Variants in CELF5 observed in about 807,000 individuals in gnomAD.
CELF5 encodes CUGBP Elav-like family member 5.
A neutral mutation model predicts 54.9 loss-of-function variants in CELF5; 6 were observed. The ratio of observed to expected loss-of-function variants is 0.11; its 90% confidence interval spans 0.06 to 0.22. The LOEUF (loss-of-function observed/expected upper bound fraction) is 0.22, where lower values mean the gene tolerates loss of function less well. CELF5 is among the 10% of genes least tolerant of loss of function. The pLI is 1.00. For synonymous variants in CELF5, 271 were observed against 290.9 expected (o/e 0.93, Z 0.70); for missense variants, 401 against 678.6 (o/e 0.59, Z 4.54).
intron 1 of CELF5, among the ~76,000 whole-genome samples, chr19:3,240,260 G>T (rs1002581532): frequency 6.6e-6 from 1 of 151,208 alleles, no homozygotes; most frequent in Non-Finnish European, 1.5e-5. Flanking sequence ...CAAATGATCC[G>T]CCTGCCTCTG....
intron 2 of CELF5, among the ~76,000 whole-genome samples, chr19:3,262,096 G>A (rs148280087): frequency 5.8e-4 from 89 of 152,204 alleles, no homozygotes; most frequent in African/African-American, 2.0e-3. Flanking sequence ...GTGCAGTGGC[G>A]TGATCTCGGC....
chr19:3,254,382 C>G (rs1229677483), intron 2 of CELF5, among the ~76,000 whole-genome samples: 1 of 152,036 alleles, frequency 6.6e-6, no homozygotes, highest in East Asian at 1.9e-4. Flanking sequence ...ACTCATCCAC[C>G]TACCCACCCA....
intron 12 of CELF5, chr19:3,296,128 A>C (rs2080439272): frequency 6.6e-6 from 1 of 151,582 alleles, no homozygotes; most frequent in African/African-American, 2.4e-5. Context: ...GGGGGGAAAA[A>C]ATCAAACCAC....
At chr19:3,254,942 A>T (rs1347134921) in intron 2 of CELF5, among the ~76,000 whole-genome samples, 1 of 150,632 alleles carries the variant, frequency 6.6e-6, no homozygotes, top group Non-Finnish European at 1.5e-5. Flanking sequence ...CCACCCATCC[A>T]TCTATTAATT....
intron 1 of CELF5, among the ~76,000 whole-genome samples, chr19:3,240,205 C>T (rs1044171506): frequency 5.9e-5 from 9 of 151,910 alleles, no homozygotes; most frequent in African/African-American, 9.7e-5. Context: ...TTAGTAGAGA[C>T]GGGGTTTCAT....
intron 1 of CELF5, among the ~76,000 whole-genome samples, chr19:3,249,028 G>A (rs1342454519): frequency 6.6e-6 from 1 of 151,636 alleles, no homozygotes; most frequent in Non-Finnish European, 1.5e-5. Context: ...ACCTGGGGTG[G>A]GTTCCCTCGG....
chr19:3,257,629 C>T (rs1057368153), intron 2 of CELF5, among the ~76,000 whole-genome samples: 1 of 151,184 alleles, frequency 6.6e-6, no homozygotes, highest in Admixed American at 6.6e-5. Flanking sequence ...GCATGCACCA[C>T]CATGCCCGGC....
At chr19:3,236,619 C>T (rs1917611436) in intron 1 of CELF5, among the ~76,000 whole-genome samples, 2 of 152,108 alleles carry the variant, frequency 1.3e-5, no homozygotes. Context: ...TTCCCCACCA[C>T]CATCGGTGCA....
At position 3,224,739 on chromosome 19, in the gene CELF5, C is replaced by G; in HGVS notation, c.-1C>G. 7.6e-7 allele frequency: 1 copy of G among 1,315,086 alleles called. No homozygotes were observed. The highest frequency in any genetic ancestry group is 9.7e-7 in the Non-Finnish European group (1 of 1,026,908). 81.5% of individuals were successfully genotyped at this position (1,315,086 alleles called of 1,614,324 possible). A position where few individuals can be genotyped will look rare whatever the true frequency, so the allele number is the denominator to read the frequency against. On this transcript the variant is annotated 5_prime_UTR_variant, in exon 1 of 13. Coordinates refer to ENST00000292672, the MANE Select transcript of CELF5 (RefSeq NM_021938.4). ...GCCGCCGGCTCGGTCCCGCGCCCGC[C>G]ATGGCCCGCCTGACGGAGAGCGAGG...
chr19:3,228,687 T>G lies in CELF5; in HGVS notation c.259+3689T>G, dbSNP rs1212000680. On this transcript the variant is annotated intron_variant, in intron 1 of 12. Coordinates refer to ENST00000292672, the MANE Select transcript of CELF5 (RefSeq NM_021938.4). The surrounding 1 kb of genome is among the most constrained non-coding windows in gnomAD (Gnocchi z 6.0). ...TGGGAGCACCAGCTGCCGGCTCGAC[T>G]CGGGAGGGGGGGAGGAGGAGGCTGT... is the stretch of plus-strand genomic sequence containing the variant. Among the ~76,000 whole-genome samples, 2 of 128,282 alleles carry G rather than the reference T, an allele frequency of 1.6e-5. No homozygotes were observed. Among genetic ancestry groups the G allele is most frequent in the East Asian group, 2.3e-4 (1 of 4,288 alleles). The allele number at this position is 128,282 out of a possible 152,430, so 84.2% of individuals were successfully genotyped here.
chr19:3,259,552 G>C (rs1378338112), intron 2 of CELF5, among the ~76,000 whole-genome samples: 1 of 152,100 alleles, frequency 6.6e-6, no homozygotes, highest in Admixed American at 6.6e-5. Flanking sequence ...TAGAAACCAG[G>C]AGGACCCCAG....
In CELF5 at chr19:3,256,064, C is replaced by CAGAAAAA. The variant is rs372488135; in HGVS notation, c.342+4998_342+4999insGAAAAAA. Among the ~76,000 whole-genome samples the CAGAAAAA allele has an allele frequency of 1.0e-4, 14 of 139,598 alleles. 1 individual carries two copies. Among genetic ancestry groups the CAGAAAAA allele is most frequent in the Admixed American group, 2.2e-4 (3 of 13,720 alleles). 91.6% of individuals were successfully genotyped at this position (139,598 alleles called of 152,430 possible). ...TGGGTGACAGAACAAGACCCTGTCT[C>CAGAAAAA]AAAAAAAAAGGAAAGGTGCGAAGTG... On this transcript the variant is annotated intron_variant, in intron 2 of 12. Transcript: ENST00000292672.
chr19:3,266,488 G>A (rs1300767257), intron 2 of CELF5, among the ~76,000 whole-genome samples: 1 of 152,092 alleles, frequency 6.6e-6, no homozygotes, highest in African/African-American at 2.4e-5. Flanking sequence ...GTGTATCAGC[G>A]TCTTGGGCGT....
rs1379741776 is a variant in CELF5, at chr19:3,282,150, C to T, written c.775C>T (p.Leu259=). 2 of 1,614,144 alleles carry T rather than the reference C, an allele frequency of 1.2e-6. No homozygotes were observed. The highest frequency in any genetic ancestry group is 4.5e-5 in the East Asian group (2 of 44,908). ...QALMQQQTTV[L]STSGSYLSPG... ...GCTCATGCAACAGCAGACAACAGTC[C>T]TGTCCACCTCGGGCAGCTACCTGAG... Residue 259 remains leucine (L), a synonymous_variant, in exon 7 of 13, where the codon CTG becomes TTG. Coordinates refer to ENST00000292672, the MANE Select transcript of CELF5 (RefSeq NM_021938.4). This position sits in a 1 kb window ranked among gnomAD's most constrained non-coding sequence, Gnocchi z 5.2.
intron 5 of CELF5, among the ~76,000 whole-genome samples, chr19:3,279,704 C>A (rs2145255142): frequency 6.6e-6 from 1 of 151,668 alleles, no homozygotes; most frequent in South Asian, 2.1e-4. Flanking sequence ...TGCCTCAGGC[C>A]TCTCTTTTAT....
chr19:3,267,648 G>C lies in CELF5; in HGVS notation c.343-6224G>C, dbSNP rs145573525. 3.5e-3 allele frequency among the ~76,000 whole-genome samples: 533 copies of C among 152,334 alleles called. 5 individuals carry two copies. The highest frequency in any genetic ancestry group is 0.012 in the African/African-American group (516 of 41,586). ...CTTTGCTGTCTCTTTCTTTACAAGAGTCTTGGGGGCTGAGGTACATCCCAG... is the reference window on the plus strand; with the variant it reads ...CTTTGCTGTCTCTTTCTTTACAAGACTCTTGGGGGCTGAGGTACATCCCAG... On this transcript the variant is annotated intron_variant, in intron 2 of 12. Coordinates refer to ENST00000292672, the MANE Select transcript of CELF5 (RefSeq NM_021938.4).
At chr19:3,286,105 C>G (rs886631872) in intron 10 of CELF5, 80 bp downstream of exon 10, 2 of 1,276,830 alleles carry the variant, frequency 1.6e-6, no homozygotes, top group Middle Eastern at 2.8e-4. Context: ...GTGTCTGGCC[C>G]GGGCCTCTGG....
At chr19:3,235,717 T>C (rs200915915) in intron 1 of CELF5, among the ~76,000 whole-genome samples, 1 of 34,688 alleles carries the variant, frequency 2.9e-5, no homozygotes, top group African/African-American at 1.2e-4. Flanking sequence ...TGGATGGATG[T>C]GTGGATGGGT....
chr19:3,241,376 C>T (rs779403558), intron 1 of CELF5, among the ~76,000 whole-genome samples: 7 of 152,048 alleles, frequency 4.6e-5, no homozygotes, highest in Admixed American at 2.6e-4. Context: ...CCACCGCGCC[C>T]GGCCTAAAGA....
Sources: gnomAD v4.1 joint callset for allele counts (sites outside exome capture counted in the v4.1 genomes callset) on GRCh38, gnomAD v4.1.1 for gene constraint, Gnocchi (gnomAD v3.1) non-coding constraint, MANE v1.5 for transcripts, NCBI Gene and HGNC (gene_info 2026-07-23, HGNC 2026-07-21) for gene names.